CXXC4: variants seen among roughly 807,000 people sequenced by gnomAD.
CXXC4 encodes the protein CXXC-type zinc finger protein 4.
Under a neutral mutation model 20.5 loss-of-function variants are expected in CXXC4, and 5 were observed. That is an observed-to-expected ratio of 0.24 (90% CI 0.13 to 0.51). CXXC4 has a LOEUF of 0.51. Among genes scored for constraint, CXXC4 ranks in the 20% least tolerant of loss-of-function variants. The pLI is 0.97. For synonymous variants in CXXC4, 250 were observed against 216.4 expected, an observed-to-expected ratio of 1.16 and a Z score of -1.36; for missense variants, 419 against 496.4, an observed-to-expected ratio of 0.84 and a Z score of 1.48.
rs1228122905 is a variant in CXXC4, at chr4:104,491,332, A to ACCG, written c.468_470dup (p.Gly165dup). Reference sequence around the variant, plus strand: ...TGCCGCCGCCGCCGCCGCCGCCGCCACCGCCGGCGGGGAGGATCGCCGAGG... The same window carrying ACCG: ...TGCCGCCGCCGCCGCCGCCGCCGCCACCGCCGCCGGCGGGGAGGATCGCCGAGG... On this transcript the variant is annotated inframe_insertion, in exon 2 of 3. Transcript: ENST00000394767. The ACCG allele has an allele frequency of 9.3e-6, 14 of 1,509,382 alleles. No individual in the cohort carries two copies. In the African/African-American group the frequency reaches 2.1e-4, roughly 23 times the overall value. The allele number at this position is 1,509,382 out of a possible 1,614,324, so 93.5% of individuals were successfully genotyped here.
At position 104,491,811 on chromosome 4, in the gene CXXC4, G is replaced by T; in HGVS notation, c.-9C>A. The T allele has an allele frequency of 7.0e-7, 1 of 1,423,406 alleles. No homozygotes were observed. The highest frequency in any genetic ancestry group is 9.3e-7 in the Non-Finnish European group (1 of 1,079,872). 88.2% of individuals were successfully genotyped at this position (1,423,406 alleles called of 1,614,324 possible). On this transcript the variant is annotated 5_prime_UTR_variant, in exon 2 of 3. Coordinates refer to ENST00000394767, the MANE Select transcript of CXXC4 (RefSeq NM_025212.4). Reference sequence around the variant, plus strand: ...CAGACATTGGTGTTCATGGTGCAGGGGGGGAAGAAGGGGTGCAGGGTGGAA... The same window carrying T: ...CAGACATTGGTGTTCATGGTGCAGGTGGGGAAGAAGGGGTGCAGGGTGGAA...
At chr4:104,486,311 C>G (rs1188588735) in intron 2 of CXXC4, among the ~76,000 whole-genome samples, 2 of 152,092 alleles carry the variant, frequency 1.3e-5, no homozygotes, top group African/African-American at 4.8e-5. Flanking sequence ...ACAACTTTAA[C>G]TCCCTTGTAT....
At chr4:104,473,664 T>C (rs1368499386) in intron 2 of CXXC4, among the ~76,000 whole-genome samples, 1 of 152,094 alleles carries the variant, frequency 6.6e-6, no homozygotes, top group South Asian at 2.1e-4. Context: ...AATCGTAAGA[T>C]GGCTGCTAAG....
Position 104,491,406 on chromosome 4 carries a change from C to T in CXXC4, c.397G>A (p.Gly133Ser). 8.9e-7 allele frequency: 1 copy of T among 1,126,490 alleles called. No homozygotes were observed. The highest frequency in any genetic ancestry group is 1.7e-5 in the African/African-American group (1 of 59,442). 69.8% of individuals were successfully genotyped at this position (1,126,490 alleles called of 1,614,324 possible). A position where few individuals can be genotyped will look rare whatever the true frequency, so the allele number is the denominator to read the frequency against. ...GCGGCGGAGGAGGATTTCCTGCCGC[C>T]CCCACCACCCCCGCCCCCGCCTCCG... is the stretch of plus-strand genomic sequence containing the variant. ...GGGGGGGGGG[G>S]GRKSSSAAAS... Residue 133 changes from glycine to serine, a missense_variant, in exon 2 of 3, where the codon GGC (glycine) becomes AGC (serine). Around this residue, in one of 3 missense-constraint regions of CXXC4, gnomAD observed 388 missense variants for 416.0 expected, o/e 0.93. Transcript: ENST00000394767.
At chr4:104,484,925 A>G (rs1176814076) in intron 2 of CXXC4, among the ~76,000 whole-genome samples, 1 of 152,022 alleles carries the variant, frequency 6.6e-6, no homozygotes, top group South Asian at 2.1e-4. Flanking sequence ...CAAGGATAAA[A>G]TCACCCTTAT....
chr4:104,474,033 TAA>T (rs1438318396), intron 2 of CXXC4, among the ~76,000 whole-genome samples: 1 of 152,000 alleles, frequency 6.6e-6, no homozygotes, highest in Non-Finnish European at 1.5e-5. Flanking sequence ...AATAATTTTT[TAA>T]AAGACTGTCC....
intron 2 of CXXC4, among the ~76,000 whole-genome samples, chr4:104,474,320 C>A (rs980353721): frequency 6.6e-6 from 1 of 151,936 alleles, no homozygotes; most frequent in African/African-American, 2.4e-5. Context: ...AGAAAAACTT[C>A]TTTACTACTT....
intron 1 of CXXC4, among the ~76,000 whole-genome samples, chr4:104,493,373 CAGG>C: frequency 6.6e-6 from 1 of 152,066 alleles, no homozygotes; most frequent in African/African-American, 2.4e-5. Flanking sequence ...ATGCAGAGTT[CAGG>C]GAATTCTACA....
rs775475575 is a variant in CXXC4, at chr4:104,478,987, G to GTA, written c.1060-6623_1060-6622dup. On this transcript the variant is annotated intron_variant, in intron 2 of 2. Coordinates refer to ENST00000394767, the MANE Select transcript of CXXC4 (RefSeq NM_025212.4). ...ATAGACTCTAAATAAATATGTGTGTGTATATATATATGAATATATATGTGT... is the reference window on the plus strand; with the variant it reads ...ATAGACTCTAAATAAATATGTGTGTGTATATATATATATGAATATATATGTGT... Among the ~76,000 whole-genome samples the GTA allele has an allele frequency of 5.7e-4, 87 of 151,722 alleles. 1 individual carries two copies. Among genetic ancestry groups the GTA allele is most frequent in the African/African-American group, 3.9e-4 (16 of 41,330 alleles).
chr4:104,491,368 G>T lies in CXXC4; in HGVS notation c.435C>A (p.Ser145=), dbSNP rs528487925. 3 of 1,417,064 alleles carry T rather than the reference G, an allele frequency of 2.1e-6. No individual in the cohort carries two copies. The South Asian group carries it at 4.9e-5, about 23-fold the overall frequency. 87.8% of individuals were successfully genotyped at this position (1,417,064 alleles called of 1,614,324 possible). A position where few individuals can be genotyped will look rare whatever the true frequency, so the allele number is the denominator to read the frequency against. The change falls in exon 2 of 3, where the codon TCC becomes TCA. Residue 145 remains serine, a synonymous_variant. Coordinates refer to ENST00000394767, the MANE Select transcript of CXXC4 (RefSeq NM_025212.4). ...RKSSSAAASS[S]ASSSSAILPA... is the part of the protein sequence containing the mutation. Reference sequence around the variant, plus strand: ...GGAGGATCGCCGAGGAGGAGGAGGCGGAGGAGGAGGCGGCGGCGGAGGAGG... The same window carrying T: ...GGAGGATCGCCGAGGAGGAGGAGGCTGAGGAGGAGGCGGCGGCGGAGGAGG...
chr4:104,494,671 G>C (rs1459640753), intron 1 of CXXC4, 30 bp downstream of exon 1: 2 of 93,678 alleles, frequency 2.1e-5, no homozygotes, highest in Non-Finnish European at 4.7e-5. Context: ...GGGGGGGGGG[G>C]TAAATAAATA....
chr4:104,484,464 C>T (rs1736634013), intron 2 of CXXC4, among the ~76,000 whole-genome samples: 1 of 151,780 alleles, frequency 6.6e-6, no homozygotes, highest in Admixed American at 6.6e-5. Flanking sequence ...TTTATATAAA[C>T]CAAAGAAATA....
At position 104,472,233 on chromosome 4, in the gene CXXC4, C is replaced by G. The variant is rs1270503991; in HGVS notation, c.*89G>C. The G allele has an allele frequency of 7.0e-6, 4 of 572,836 alleles. No homozygotes were observed. Among genetic ancestry groups the G allele is most frequent in the Non-Finnish European group, 1.1e-5 (4 of 351,684 alleles). The allele number at this position is 572,836 out of a possible 1,614,324, so 35.5% of individuals were successfully genotyped here. A position where few individuals can be genotyped will look rare whatever the true frequency, so the allele number is the denominator to read the frequency against. ...AATGAAAATAATTTCTGGATATTTT[C>G]TTCAGTGGTGGACTAAGCAGTTTCT... On this transcript the variant is annotated 3_prime_UTR_variant, in exon 3 of 3. Coordinates refer to ENST00000394767, the MANE Select transcript of CXXC4 (RefSeq NM_025212.4).
rs1220075945 is a variant in CXXC4, at chr4:104,491,416, CCCGCCCCCGCCT to C, written c.375_386del (p.Gly131_Gly134del). ...AGGATTTCCTGCCGCCCCCACCACC[CCCGCCCCCGCCT>C]CCGCCGCCGCCGCCGCCGCCGCCAC... On this transcript the variant is annotated inframe_deletion, in exon 2 of 3. Transcript: ENST00000394767. 5 of 1,024,622 alleles carry C rather than the reference CCCGCCCCCGCCT, an allele frequency of 4.9e-6. No individual in the cohort carries two copies. The highest frequency in any genetic ancestry group is 6.2e-6 in the Non-Finnish European group (5 of 810,570). The allele number at this position is 1,024,622 out of a possible 1,614,324, so 63.5% of individuals were successfully genotyped here.
chr4:104,472,293 A>G lies in CXXC4; in HGVS notation c.*29T>C. The stretch of plus-strand genomic sequence containing the variant: ...ACATTAGTTTGCCCTTCATTTCCAA[A>G]TGCCTTGAAAATAAGATATACTACT... On this transcript the variant is annotated 3_prime_UTR_variant, in exon 3 of 3. Transcript: ENST00000394767. 2.6e-6 allele frequency: 4 copies of G among 1,525,630 alleles called. No individual in the cohort carries two copies. The highest frequency in any genetic ancestry group is 3.6e-6 in the Non-Finnish European group (4 of 1,114,270). 94.5% of individuals were successfully genotyped at this position (1,525,630 alleles called of 1,614,324 possible).
chr4:104,478,277 T>C (rs1010894866), intron 2 of CXXC4, among the ~76,000 whole-genome samples: 3 of 152,150 alleles, frequency 2.0e-5, no homozygotes, highest in Admixed American at 6.6e-5. Context: ...GGTGTGACTT[T>C]AGAAGGTAAA....
rs934612364 is a variant in CXXC4, at chr4:104,491,025, G to C, written c.778C>G (p.Pro260Ala). 6.2e-7 allele frequency: 1 copy of C among 1,614,076 alleles called. No homozygotes were observed. Among genetic ancestry groups the C allele is most frequent in the Admixed American group, 1.7e-5 (1 of 60,026 alleles). Residue 260 changes from proline (P) to alanine (A), a missense_variant, in exon 2 of 3, where the codon CCC (proline) becomes GCC (alanine). Coordinates refer to ENST00000394767, the MANE Select transcript of CXXC4 (RefSeq NM_025212.4). ...GTGACGGCTGCTGAGGCTGCTGCGG[G>C]GGAGTGAAGGGCTGTCATGACGATG... ...GVIVMTALHSPAAASAAVTDS... is the reference protein window; with the variant it reads ...GVIVMTALHSAAAASAAVTDS...
chr4:104,487,952 G>T (rs1289048569), intron 2 of CXXC4, among the ~76,000 whole-genome samples: 4 of 152,102 alleles, frequency 2.6e-5, no homozygotes, highest in African/African-American at 7.2e-5. Flanking sequence ...ACATATCCAT[G>T]TGAGTCTGTC....
In CXXC4 at chr4:104,490,889, CTCT is replaced by C; in HGVS notation, c.911_913del (p.Lys304del). ...GGGCACGCAGACCCCACACCTTTTC[CTCT>C]TCTTCTTGGCTGGGTTGGCTCCGCC... On this transcript the variant is annotated inframe_deletion, in exon 2 of 3. Transcript: ENST00000394767. 2 of 1,614,180 alleles carry C rather than the reference CTCT, an allele frequency of 1.2e-6. No homozygotes were observed. Among genetic ancestry groups the C allele is most frequent in the Non-Finnish European group, 1.7e-6 (2 of 1,180,026 alleles).
Sources: gnomAD v4.1 joint callset for allele counts (sites outside exome capture counted in the v4.1 genomes callset) on GRCh38, gnomAD v4.1.1 for gene constraint, gnomAD v4.1.1 regional missense constraint, MANE v1.5 for transcripts, NCBI Gene and HGNC (gene_info 2026-07-23, HGNC 2026-07-21) for gene names.